Variants in RELN observed in about 807,000 individuals in gnomAD.
RELN encodes reelin.
Under a neutral mutation model 427.6 loss-of-function variants are expected in RELN, and 108 were observed. That is an observed-to-expected ratio of 0.25 (90% CI 0.22 to 0.30). The LOEUF (loss-of-function observed/expected upper bound fraction) is 0.30, where lower values mean the gene tolerates loss of function less well. Among genes scored for constraint, RELN ranks in the 10% least tolerant of loss-of-function variants. The probability of loss-of-function intolerance (pLI) is 1.00; values close to 1 mark genes in which losing one functional copy is unlikely to be tolerated. For missense variants in RELN, 3,715 were observed against 4,302.8 expected (o/e 0.86, Z 3.82); for synonymous variants, 1,524 against 1,513.4 (o/e 1.01, Z -0.16).
chr7:103,682,482 C>CA (rs2115697788), intron 10 of RELN, among the ~76,000 whole-genome samples: 1 of 152,218 alleles, frequency 6.6e-6, no homozygotes, highest in South Asian at 2.1e-4. Flanking sequence ...GTCAAGGGGG[C>CA]ATTTGAGCTT....
intron 3 of RELN, among the ~76,000 whole-genome samples, chr7:103,803,918 G>T (rs1792530615): frequency 6.6e-6 from 1 of 151,908 alleles, no homozygotes; most frequent in South Asian, 2.1e-4. Context: ...TTTTATAAAG[G>T]GTGGAAAATG....
At chr7:103,827,528 C>T (rs1295212990) in intron 3 of RELN, among the ~76,000 whole-genome samples, 1 of 152,104 alleles carries the variant, frequency 6.6e-6, no homozygotes, top group East Asian at 1.9e-4. Context: ...AGCATTCTGA[C>T]CTCAAGCATT....
chr7:103,574,235 C>T lies in RELN; in HGVS notation c.4368G>A (p.Gly1456=), dbSNP rs765647006. The T allele has an allele frequency of 8.1e-6, 13 of 1,614,146 alleles. No homozygotes were observed. In the South Asian group the frequency reaches 1.3e-4, roughly 16 times the overall value. The change falls in exon 30 of 65, where the codon GGG becomes GGA. Residue 1456 remains glycine, a synonymous_variant. Transcript: ENST00000428762. ...NHNEMFDRFE[G]KLSPLWYKIT... is the part of the protein sequence containing the mutation. ...TCTTGTACCACAGAGGGCTGAGCTT[C>T]CCCTCAAACCTATCGAACATCTCAT...
At chr7:103,480,717 T>C (rs1017058484) in intron 63 of RELN, among the ~76,000 whole-genome samples, 2 of 152,220 alleles carry the variant, frequency 1.3e-5, no homozygotes, top group Non-Finnish European at 2.9e-5. Context: ...TTTGAAATTA[T>C]ATATACATAA....
chr7:103,794,012 C>A (rs1453766368), intron 3 of RELN, among the ~76,000 whole-genome samples: 1 of 152,142 alleles, frequency 6.6e-6, no homozygotes, highest in Admixed American at 6.6e-5. Flanking sequence ...AGTGATCCAC[C>A]TGCCTCAGCC....
intron 8 of RELN, among the ~76,000 whole-genome samples, chr7:103,717,491 AT>A (rs398005661): frequency 2.0e-5 from 3 of 150,596 alleles, no homozygotes; most frequent in African/African-American, 7.3e-5. Context: ...AAAAAAAAAA[AT>A]TTGTTTTAAT....
intron 2 of RELN, among the ~76,000 whole-genome samples, chr7:103,877,639 A>G (rs1230094836): frequency 6.6e-6 from 1 of 152,080 alleles, no homozygotes; most frequent in Non-Finnish European, 1.5e-5. Flanking sequence ...CTTCCTTGCT[A>G]AAATATCAAG....
intron 46 of RELN, among the ~76,000 whole-genome samples, chr7:103,528,691 G>A (rs190368746): frequency 0.022 from 3,389 of 151,836 alleles, 125 homozygotes; most frequent in African/African-American, 0.078. Flanking sequence ...ACCGCGCCCG[G>A]CTAATTTTTG....
intron 16 of RELN, among the ~76,000 whole-genome samples, chr7:103,647,852 G>A (rs578262052): frequency 6.6e-6 from 1 of 151,984 alleles, no homozygotes; most frequent in Non-Finnish European, 1.5e-5. Flanking sequence ...TATAAAAATA[G>A]ACATATACAT....
chr7:103,781,179 C>T (rs1264037637), intron 3 of RELN, among the ~76,000 whole-genome samples: 2 of 152,024 alleles, frequency 1.3e-5, no homozygotes, highest in Non-Finnish European at 2.9e-5. Flanking sequence ...CACAGGCTCC[C>T]TTGCTTTATC....
chr7:103,869,814 C>T (rs1346861118), intron 2 of RELN, among the ~76,000 whole-genome samples: 1 of 152,094 alleles, frequency 6.6e-6, no homozygotes, highest in Non-Finnish European at 1.5e-5. Flanking sequence ...CATTTTTAAC[C>T]ATTAGTTTTT....
chr7:103,512,300 T>C (rs542823328), intron 50 of RELN, among the ~76,000 whole-genome samples: 1 of 152,314 alleles, frequency 6.6e-6, no homozygotes, highest in African/African-American at 2.4e-5. Flanking sequence ...ATGTTTAATT[T>C]GGCCAAAAGT....
chr7:103,935,459 T>C (rs1795960732), intron 1 of RELN, among the ~76,000 whole-genome samples: 1 of 152,076 alleles, frequency 6.6e-6, no homozygotes, highest in Admixed American at 6.6e-5. Flanking sequence ...GGAAATTCCT[T>C]CTTGTCTTTT....
Position 103,988,621 on chromosome 7 carries a change from T to A in RELN, c.226+510A>T, listed in dbSNP as rs1026861123. ...TGAAATGCCAGGGACTCCTGGCTGG[T>A]GAGCAGCGGGAACTTTGCGGTCGAG... is the stretch of plus-strand genomic sequence containing the variant. On this transcript the variant is annotated intron_variant, in intron 1 of 64. Transcript: ENST00000428762. This position sits in a 1 kb window ranked among gnomAD's most constrained non-coding sequence, Gnocchi z 4.9. Among the ~76,000 whole-genome samples the A allele has an allele frequency of 4.6e-5, 7 of 152,136 alleles. No homozygotes were observed. Among genetic ancestry groups the A allele is most frequent in the African/African-American group, 1.7e-4 (7 of 41,434 alleles).
chr7:103,910,490 TG>T (rs1034222443), intron 2 of RELN, among the ~76,000 whole-genome samples: 12 of 151,830 alleles, frequency 7.9e-5, no homozygotes, highest in Non-Finnish European at 1.8e-4. Context: ...TTCACAGAAT[TG>T]GAAAAAACTA....
At chr7:103,690,182 T>C (rs1424552671) in intron 10 of RELN, among the ~76,000 whole-genome samples, 3 of 152,166 alleles carry the variant, frequency 2.0e-5, no homozygotes, top group African/African-American at 4.8e-5. Context: ...TTAATCACTA[T>C]GCAGTGTTCA....
intron 2 of RELN, among the ~76,000 whole-genome samples, chr7:103,876,457 C>T (rs895335935): frequency 4.6e-5 from 7 of 152,046 alleles, no homozygotes; most frequent in Non-Finnish European, 7.4e-5. Context: ...TTGGTCTATG[C>T]ACTTTTGTTC....
chr7:103,793,382 C>G (rs1057059207), intron 3 of RELN, among the ~76,000 whole-genome samples: 1 of 152,082 alleles, frequency 6.6e-6, no homozygotes, highest in Non-Finnish European at 1.5e-5. Context: ...TTGAAGTAAC[C>G]AAAATGAATG....
chr7:103,909,811 A>T (rs1256480627), intron 2 of RELN, among the ~76,000 whole-genome samples: 4 of 49,224 alleles, frequency 8.1e-5, no homozygotes, highest in African/African-American at 2.9e-4. Flanking sequence ...TTAATATATA[A>T]TATTATATAT....
Sources: allele counts gnomAD v4.1 joint callset (sites outside exome capture counted in the v4.1 genomes callset), GRCh38; gene constraint gnomAD v4.1.1; non-coding constraint Gnocchi (gnomAD v3.1); transcripts MANE v1.5; gene names NCBI Gene and HGNC (gene_info 2026-07-23, HGNC 2026-07-21).